DET1: variants seen among roughly 807,000 people sequenced by gnomAD.
DET1 encodes the protein DET1 partner of COP1 E3 ubiquitin ligase.
Under a neutral mutation model 43.7 loss-of-function variants are expected in DET1, and 22 were observed. That is an observed-to-expected ratio of 0.50 (90% CI 0.36 to 0.72). DET1 has a LOEUF of 0.72. Among genes scored for constraint, DET1 ranks in the 30% least tolerant of loss-of-function variants. DET1 has a pLI of 0.00. For missense variants in DET1, 713 were observed against 713.3 expected (o/e 1.00, Z 0.00); for synonymous variants, 315 against 266.2 (o/e 1.18, Z -1.79).
At chr15:88,514,726 A>G (rs142600341) in intron 4 of DET1, among the ~76,000 whole-genome samples, 63 of 152,368 alleles carry the variant, frequency 4.1e-4, no homozygotes, top group Non-Finnish European at 7.1e-4. Flanking sequence ...GTAAATATGC[A>G]TATTGACAAA....
At position 88,512,675 on chromosome 15, in the gene DET1, A is replaced by G; in HGVS notation, c.*276T>C. The G allele has an allele frequency of 8.5e-7, 1 of 1,183,096 alleles. No individual in the cohort carries two copies. Among genetic ancestry groups the G allele is most frequent in the Non-Finnish European group, 1.0e-6 (1 of 955,302 alleles). 73.3% of individuals were successfully genotyped at this position (1,183,096 alleles called of 1,614,324 possible). On this transcript the variant is annotated 3_prime_UTR_variant, in exon 5 of 5. Coordinates refer to ENST00000268148, the MANE Select transcript of DET1 (RefSeq NM_001144074.3). ...TTCATCTTCACAGCAATCAAATGCA[A>G]AGTAAAGCAAAAATGAAATGGACTT...
chr15:88,527,528 G>C lies in DET1; in HGVS notation c.1271+71C>G, dbSNP rs1028933947. On this transcript the variant is annotated intron_variant, in intron 3 of 4. Coordinates refer to ENST00000268148, the MANE Select transcript of DET1 (RefSeq NM_001144074.3). ...GACAGACAGAATAAGAGGTTTCCTA[G>C]AGACAACAGCTATTGGCCTAACACC... 11 of 1,403,196 alleles carry C rather than the reference G, an allele frequency of 7.8e-6. No individual in the cohort carries two copies. The African/African-American group carries it at 1.3e-4, about 17-fold the overall frequency. 86.9% of individuals were successfully genotyped at this position (1,403,196 alleles called of 1,614,324 possible).
Position 88,513,108 on chromosome 15 carries a change from A to T in DET1, c.1496T>A (p.Phe499Tyr), listed in dbSNP as rs771667500. ...GCCCAATAACCCCGCCTGGATCTCA[A>T]ACTTGAGCAGGCCCGAGTCCCGGGC... ...FYARDSGLLK[F>Y]EIQAGLLGRP... is the part of the protein sequence containing the mutation. Residue 499 changes from phenylalanine (F) to tyrosine (Y), a missense_variant, in exon 5 of 5, where the codon TTT becomes TAT. By Grantham distance (22) the Phe-to-Tyr change is conservative. Coordinates refer to ENST00000268148, the MANE Select transcript of DET1 (RefSeq NM_001144074.3). 2 of 1,613,728 alleles carry T rather than the reference A, an allele frequency of 1.2e-6. No individual in the cohort carries two copies. The highest frequency in any genetic ancestry group is 2.2e-5 in the South Asian group (2 of 91,018).
At position 88,513,079 on chromosome 15, in the gene DET1, G is replaced by A. The variant is rs758451300; in HGVS notation, c.1525C>T (p.Pro509Ser). ...FEIQAGLLGR[P>S]INHTVRRLVA... ...AGGCGTCGCACTGTGTGGTTGATGG[G>A]GCGGCCCAATAACCCCGCCTGGATC... The change falls in exon 5 of 5, where the codon CCC becomes TCC. Residue 509 changes from proline to serine, a missense_variant. Coordinates refer to ENST00000268148, the MANE Select transcript of DET1 (RefSeq NM_001144074.3). The A allele has an allele frequency of 6.2e-7, 1 of 1,614,036 alleles. No homozygotes were observed. Among genetic ancestry groups the A allele is most frequent in the African/African-American group, 1.3e-5 (1 of 75,066 alleles).
rs776296115 is a variant in DET1, at chr15:88,530,635, T to C, written c.1071A>G (p.Thr357=). The stretch of plus-strand genomic sequence containing the variant: ...GTGTACCTCATACCTGTGATGGATC[T>C]GTGACTCGCAGTGTTACTACATCCT... The part of the protein sequence containing the change: ...TSEDVVTLRV[T]DPSQASFFVV... The change falls in exon 2 of 5, where the codon ACA becomes ACG. Residue 357 remains threonine, a synonymous_variant. Coordinates refer to ENST00000268148, the MANE Select transcript of DET1 (RefSeq NM_001144074.3). The C allele has an allele frequency of 5.0e-6, 8 of 1,605,058 alleles. No individual in the cohort carries two copies. Among genetic ancestry groups the C allele is most frequent in the Non-Finnish European group, 6.8e-6 (8 of 1,174,940 alleles).
At chr15:88,518,085 C>T (rs1263674930) in intron 3 of DET1, among the ~76,000 whole-genome samples, 2 of 149,966 alleles carry the variant, frequency 1.3e-5, no homozygotes, top group East Asian at 2.0e-4. Flanking sequence ...ACGACAGGTG[C>T]GTGCCACCAC....
intron 1 of DET1, among the ~76,000 whole-genome samples, chr15:88,544,090 A>G (rs1290787762): frequency 1.3e-5 from 2 of 152,128 alleles, no homozygotes; most frequent in South Asian, 4.1e-4. Context: ...TACTCAATAA[A>G]ATCATCCCTC....
At chr15:88,510,520 TG>T (rs1010197514), downstream of DET1, among the ~76,000 whole-genome samples, 62 of 152,312 alleles carry the variant, frequency 4.1e-4, 1 homozygote, top group Non-Finnish European at 4.6e-4. Flanking sequence ...TCCTGGGTAA[TG>T]GGTAGTACAC....
intron 1 of DET1, among the ~76,000 whole-genome samples, chr15:88,542,857 C>A (rs778328108): frequency 1.3e-5 from 2 of 152,110 alleles, no homozygotes; most frequent in Non-Finnish European, 2.9e-5. Flanking sequence ...CTATTGCAAG[C>A]AGACTAGGCA....
At chr15:88,528,975 A>C (rs2056741394) in intron 2 of DET1, among the ~76,000 whole-genome samples, 1 of 152,202 alleles carries the variant, frequency 6.6e-6, no homozygotes, top group South Asian at 2.1e-4. Context: ...ATCTTATTGG[A>C]ACCTATCAAA....
intron 4 of DET1, 122 bp from the exon 5 acceptor site, chr15:88,513,262 C>A: frequency 9.7e-7 from 1 of 1,034,534 alleles, no homozygotes; most frequent in Non-Finnish European, 1.4e-6. Context: ...ATGAAATCGC[C>A]TCTTATATCA....
intron 3 of DET1, among the ~76,000 whole-genome samples, chr15:88,522,611 C>T (rs2056528576): frequency 6.7e-6 from 1 of 150,340 alleles, no homozygotes; most frequent in African/African-American, 2.5e-5. Context: ...TGGGTTCACG[C>T]CATTCTCCTG....
intron 3 of DET1, among the ~76,000 whole-genome samples, chr15:88,524,671 T>A (rs1002943139): frequency 6.6e-6 from 1 of 152,082 alleles, no homozygotes; most frequent in Non-Finnish European, 1.5e-5. Context: ...GCTCTCTGAA[T>A]CATGTGCTGT....
In DET1 at chr15:88,531,843, G is replaced by A. The variant is rs546455420; in HGVS notation, c.-10-128C>T. On this transcript the variant is annotated intron_variant, in intron 1 of 4. Transcript: ENST00000268148. The surrounding 1 kb of genome is among the most constrained non-coding windows in gnomAD (Gnocchi z 6.2). ...AGGAGCTCCCAAGATGACAGTGACT[G>A]GCATTACTACTTCCCAGATTATACT... 3.0e-4 allele frequency: 264 copies of A among 871,388 alleles called. No homozygotes were observed. The highest frequency in any genetic ancestry group is 4.4e-4 in the Non-Finnish European group (259 of 586,252). The allele number at this position is 871,388 out of a possible 1,614,324, so 54.0% of individuals were successfully genotyped here.
intron 3 of DET1, among the ~76,000 whole-genome samples, chr15:88,518,234 G>A (rs1567059925): frequency 6.6e-6 from 1 of 151,786 alleles, no homozygotes; most frequent in Admixed American, 6.6e-5. Context: ...GAGACACAGT[G>A]CCTGGCCACA....
At chr15:88,510,839 C>T (rs573384622), downstream of DET1, among the ~76,000 whole-genome samples, 98 of 149,132 alleles carry the variant, frequency 6.6e-4, no homozygotes, top group South Asian at 2.1e-3. Context: ...GGCGCAATCT[C>T]GGCTCACTCA....
intron 1 of DET1, among the ~76,000 whole-genome samples, chr15:88,535,429 G>T (rs8028434): frequency 1.0e-3 from 141 of 136,966 alleles, no homozygotes; most frequent in African/African-American, 3.5e-3. Flanking sequence ...TTGAGGAGTA[G>T]AATGCTAAGA....
intron 3 of DET1, among the ~76,000 whole-genome samples, 195 bp from the exon 4 acceptor site, chr15:88,517,168 C>T (rs2056366881): frequency 6.6e-6 from 1 of 150,770 alleles, no homozygotes; most frequent in African/African-American, 2.4e-5. Context: ...AAAAGCAAAA[C>T]ATATAACTAA....
intron 7 of DET1, chr15:88,505,211 T>G (rs1030970): frequency 1.3e-5 from 2 of 152,010 alleles, no homozygotes; most frequent in African/African-American, 4.8e-5. Flanking sequence ...TGAATTGGTG[T>G]CTCTCACTAC....
Sources: allele counts gnomAD v4.1 joint callset (sites outside exome capture counted in the v4.1 genomes callset), GRCh38; gene constraint gnomAD v4.1.1; non-coding constraint Gnocchi (gnomAD v3.1); transcripts MANE v1.5; gene names NCBI Gene and HGNC (gene_info 2026-07-23, HGNC 2026-07-21).